Variants in NT5DC3 observed in about 807,000 individuals in gnomAD.
NT5DC3 encodes the protein 5'-nucleotidase domain containing 3.
In NT5DC3, 42 loss-of-function variants were observed where a neutral mutation model predicts 67.8. That is an observed-to-expected ratio of 0.62 (90% CI 0.48 to 0.80). The LOEUF (loss-of-function observed/expected upper bound fraction) is 0.80, where lower values mean the gene tolerates loss of function less well. Ranked by LOEUF, NT5DC3 falls within the 30% of genes least tolerant of loss-of-function variation. The probability of loss-of-function intolerance (pLI) is 0.00; values close to 1 mark genes in which losing one functional copy is unlikely to be tolerated. For synonymous variants in NT5DC3, 237 were observed against 255.6 expected, an observed-to-expected ratio of 0.93 and a Z score of 0.69; for missense variants, 570 against 696.4, an observed-to-expected ratio of 0.82 and a Z score of 2.04.
intron 9 of NT5DC3, 103 bp downstream of exon 9, chr12:103,793,061 A>G: frequency 1.2e-6 from 1 of 813,296 alleles, no homozygotes; most frequent in Middle Eastern, 2.6e-4. Flanking sequence ...CTATAATCTC[A>G]CATGCTTATG....
the NT5DC3 span, among the ~76,000 whole-genome samples, chr12:103,746,945 C>CTTTCTTT: frequency 4.4e-5 from 5 of 113,942 alleles, 1 homozygote; most frequent in African/African-American, 3.0e-5. Context: ...GAATGTTTTT[C>CTTTCTTT]TTTCTTTTTT....
chr12:103,748,624 AC>A, the NT5DC3 span, among the ~76,000 whole-genome samples: 1 of 61,842 alleles, frequency 1.6e-5, no homozygotes, highest in African/African-American at 5.5e-5. Flanking sequence ...ACACACACAC[AC>A]ACACACACAC....
chr12:103,748,732 G>C, the NT5DC3 span, among the ~76,000 whole-genome samples: 1 of 152,020 alleles, frequency 6.6e-6, no homozygotes, highest in Non-Finnish European at 1.5e-5. Flanking sequence ...ATATGACAAA[G>C]GGGGCAGAAG....
At chr12:103,840,383 C>CA (rs1219853645) in intron 1 of NT5DC3, among the ~76,000 whole-genome samples, 1 of 64,932 alleles carries the variant, frequency 1.5e-5, no homozygotes, top group African/African-American at 7.2e-5. Context: ...CACAGCTCAT[C>CA]TCATCTCATC....
downstream of NT5DC3, chr12:103,766,137 C>A: frequency 1.8e-6 from 2 of 1,085,050 alleles, no homozygotes; most frequent in African/African-American, 1.6e-5. Flanking sequence ...CCTCCCAACA[C>A]AAGGCAGCAG....
the NT5DC3 span, chr12:103,750,807 C>T: frequency 3.4e-6 from 5 of 1,461,630 alleles, no homozygotes; most frequent in Non-Finnish European, 4.5e-6. Context: ...AAAAACAAAA[C>T]AGGCCAAGCC....
chr12:103,812,543 CTTT>C, intron 2 of NT5DC3, among the ~76,000 whole-genome samples: 1 of 152,318 alleles, frequency 6.6e-6, no homozygotes, highest in Non-Finnish European at 1.5e-5. Flanking sequence ...ATTTCATAAA[CTTT>C]TTATGTTCAC....
At chr12:103,825,612 C>G (rs1325461799) in intron 1 of NT5DC3, among the ~76,000 whole-genome samples, 3 of 152,024 alleles carry the variant, frequency 2.0e-5, no homozygotes, top group Non-Finnish European at 2.9e-5. Flanking sequence ...CGGAGCAAAT[C>G]AAAACTCTGT....
At chr12:103,811,702 T>G (rs370825541) in intron 2 of NT5DC3, among the ~76,000 whole-genome samples, 18 of 152,282 alleles carry the variant, frequency 1.2e-4, no homozygotes, top group African/African-American at 4.3e-4. Flanking sequence ...AAGTATGGAC[T>G]TCAGTGAATA....
At chr12:103,819,350 A>G (rs137959664) in intron 1 of NT5DC3, among the ~76,000 whole-genome samples, 16 of 150,944 alleles carry the variant, frequency 1.1e-4, no homozygotes, top group Non-Finnish European at 2.2e-4. Flanking sequence ...ACAAAAACAG[A>G]AACAGTCTGG....
chr12:103,753,425 G>A, the NT5DC3 span: 4 of 1,604,742 alleles, frequency 2.5e-6, no homozygotes, highest in African/African-American at 1.3e-5. Context: ...TTCTTAAGAT[G>A]GGGAAGACTT....
At chr12:103,761,982 A>G in the NT5DC3 span, among the ~76,000 whole-genome samples, 1 of 152,176 alleles carries the variant, frequency 6.6e-6, no homozygotes. Context: ...ACTGGGTTCA[A>G]AGCCCACTTC....
At chr12:103,759,206 G>A in the NT5DC3 span, 5 of 1,614,008 alleles carry the variant, frequency 3.1e-6, no homozygotes, top group Admixed American at 6.7e-5. Flanking sequence ...CTTGTCAATG[G>A]CACCACCCTG....
At chr12:103,807,623 T>C (rs1307804641) in intron 2 of NT5DC3, among the ~76,000 whole-genome samples, 1 of 152,190 alleles carries the variant, frequency 6.6e-6, no homozygotes, top group Non-Finnish European at 1.5e-5. Flanking sequence ...GCACATGGAT[T>C]ACGGTTACTA....
rs547108783 is a variant in NT5DC3 at position 103,822,435 on chromosome 12, C to T, written c.209-7314G>A. On this transcript the variant is annotated intron_variant, in intron 1 of 13. Transcript: ENST00000392876. ...CAACCACTCGAATTACCAAAAAAAG[C>T]GAATTAAAACAAGTAAACACAGTTA... 1.3e-4 allele frequency among the ~76,000 whole-genome samples: 20 copies of T among 152,232 alleles called. No homozygotes were observed. In the South Asian group the frequency reaches 1.9e-3, roughly 14 times the overall value.
In NT5DC3 at chr12:103,836,602, CT is replaced by C. The variant is rs1409962274; in HGVS notation, c.208+4346del. Among the ~76,000 whole-genome samples, 23 of 152,310 alleles carry C rather than the reference CT, an allele frequency of 1.5e-4. 1 individual carries two copies. Among genetic ancestry groups the C allele is most frequent in the African/African-American group, 5.3e-4 (22 of 41,572 alleles). The stretch of plus-strand genomic sequence containing the variant: ...CAGACTTTTCCCCGTTTTTGATGAC[CT>C]ACAGTTTTGAGGAGTACTGGTTATA... On this transcript the variant is annotated intron_variant, in intron 1 of 13. Transcript: ENST00000392876.
At chr12:103,793,103 A>G (rs1886138626) in intron 9 of NT5DC3, 61 bp downstream of exon 9, 9 of 1,157,050 alleles carry the variant, frequency 7.8e-6, no homozygotes, top group Non-Finnish European at 1.1e-5. Context: ...AAGACACACC[A>G]TCTATATATT....
At chr12:103,761,370 A>C in the NT5DC3 span, 1 of 1,613,916 alleles carries the variant, frequency 6.2e-7, no homozygotes, top group Non-Finnish European at 8.5e-7. Context: ...GGGATCATTC[A>C]TGTCATTTCC....
intron 1 of NT5DC3, among the ~76,000 whole-genome samples, chr12:103,828,952 G>C (rs1887813161): frequency 6.6e-6 from 1 of 152,090 alleles, no homozygotes; most frequent in Admixed American, 6.5e-5. Context: ...GCCCACTTTG[G>C]CCTTCCCAAG....
Sources: allele counts gnomAD v4.1 joint callset (sites outside exome capture counted in the v4.1 genomes callset), GRCh38; gene constraint gnomAD v4.1.1; transcripts MANE v1.5; gene names NCBI Gene and HGNC (gene_info 2026-07-23, HGNC 2026-07-21).